The following EIF3H variants were observed in gnomAD, a reference collection of about 807,000 sequenced individuals.
EIF3H encodes eIF-3-gamma.
In EIF3H, 26 loss-of-function variants were observed where a neutral mutation model predicts 44.2. The ratio of observed to expected loss-of-function variants is 0.59; its 90% CI spans 0.43 to 0.82. The LOEUF is 0.82. EIF3H is among the 40% of genes least tolerant of loss of function. The probability of loss-of-function intolerance (pLI) is 0.00; values close to 1 mark genes in which losing one functional copy is unlikely to be tolerated. For synonymous variants in EIF3H, 166 were observed against 151.9 expected (o/e 1.09, Z -0.68); for missense variants, 359 against 432.8 (o/e 0.83, Z 1.51).
Position 116,726,314 on chromosome 8 carries a change from T to A in EIF3H, c.133-142A>T, listed in dbSNP as rs564946611. On this transcript the variant is annotated intron_variant, in intron 1 of 7. Transcript: ENST00000521861. The stretch of plus-strand genomic sequence containing the variant: ...GAGGAATAAATAAATGTCTTACAAA[T>A]CCTTTCCTTTACCCTTACATAAATA... 479 of 915,750 alleles carry A rather than the reference T, an allele frequency of 5.2e-4. 5 individuals carry two copies. In the South Asian group the frequency reaches 9.1e-3, roughly 17 times the overall value. 56.7% of individuals were successfully genotyped at this position (915,750 alleles called of 1,614,324 possible).
chr8:116,705,546 C>T (rs930306163), intron 2 of EIF3H, among the ~76,000 whole-genome samples: 2 of 148,544 alleles, frequency 1.3e-5, no homozygotes, highest in Non-Finnish European at 3.0e-5. Context: ...CACTTCAACA[C>T]TGAGATTTCT....
chr8:116,722,738 T>C (rs1307910916), intron 2 of EIF3H, among the ~76,000 whole-genome samples: 1 of 152,190 alleles, frequency 6.6e-6, no homozygotes, highest in African/African-American at 2.4e-5. Context: ...TTAAAGGTCC[T>C]AAATGATCAT....
intron 5 of EIF3H, among the ~76,000 whole-genome samples, chr8:116,654,594 A>C: frequency 6.6e-6 from 1 of 152,220 alleles, no homozygotes; most frequent in Non-Finnish European, 1.5e-5. Context: ...GCAATAAAGA[A>C]AAATATGACC....
intron 1 of EIF3H, among the ~76,000 whole-genome samples, chr8:116,762,753 G>A (rs1183462271): frequency 1.3e-5 from 2 of 152,148 alleles, no homozygotes; most frequent in African/African-American, 4.8e-5. Flanking sequence ...GGCCAGCCTG[G>A]CCAGCATAGT....
rs142892496 is a variant in EIF3H at position 116,719,351 on chromosome 8, G to C, written c.289+6665C>G. On this transcript the variant is annotated intron_variant, in intron 2 of 7. Coordinates refer to ENST00000521861, the MANE Select transcript of EIF3H (RefSeq NM_003756.3). Reference sequence around the variant, plus strand: ...AGCCTGTCATCTCACCAACTTCTTAGAGAAACTATGGCAAGGCTCTGGAAG... The same window carrying C: ...AGCCTGTCATCTCACCAACTTCTTACAGAAACTATGGCAAGGCTCTGGAAG... Among the ~76,000 whole-genome samples the C allele has an allele frequency of 1.8e-3, 268 of 152,282 alleles. 1 individual carries two copies. The highest frequency in any genetic ancestry group is 6.3e-3 in the African/African-American group (263 of 41,556).
At chr8:116,733,856 T>C (rs1228770191) in intron 1 of EIF3H, among the ~76,000 whole-genome samples, 1 of 152,192 alleles carries the variant, frequency 6.6e-6, no homozygotes, top group African/African-American at 2.4e-5. Flanking sequence ...ATCAGAATAT[T>C]AGAATGACAA....
chr8:116,677,944 A>C (rs1813876480), intron 2 of EIF3H, among the ~76,000 whole-genome samples: 1 of 152,226 alleles, frequency 6.6e-6, no homozygotes. Context: ...GATGACAGGA[A>C]ATGTTAAGTT....
At chr8:116,682,579 G>C (rs1461477429) in intron 2 of EIF3H, among the ~76,000 whole-genome samples, 1 of 152,100 alleles carries the variant, frequency 6.6e-6, no homozygotes, top group Non-Finnish European at 1.5e-5. Flanking sequence ...CTTTCAAGAG[G>C]ATAAAAGATG....
upstream of EIF3H, chr8:116,755,965 G>T (rs982608792): frequency 6.5e-7 from 1 of 1,536,118 alleles, no homozygotes; most frequent in Non-Finnish European, 8.7e-7. Context: ...CTTTCCAGGC[G>T]GTATCCTTTG....
intron 1 of EIF3H, among the ~76,000 whole-genome samples, chr8:116,731,300 G>A (rs372175874): frequency 1.6e-4 from 25 of 152,136 alleles, no homozygotes; most frequent in African/African-American, 5.3e-4. Context: ...ATACTAATGC[G>A]TGAGCACACT....
At chr8:116,707,370 T>C (rs10955788) in intron 2 of EIF3H, among the ~76,000 whole-genome samples, 51,338 of 152,032 alleles carry the variant, frequency 0.34, 9,437 homozygotes, top group East Asian at 0.57. Context: ...TTGTTATAAG[T>C]ACAGGAATTC....
chr8:116,697,520 C>A (rs1325749500), intron 2 of EIF3H, among the ~76,000 whole-genome samples: 1 of 152,196 alleles, frequency 6.6e-6, no homozygotes, highest in Non-Finnish European at 1.5e-5. Context: ...ATGACCACAA[C>A]CTACTCTGTA....
chr8:116,709,771 C>G (rs1021686275), intron 2 of EIF3H, among the ~76,000 whole-genome samples: 1 of 152,158 alleles, frequency 6.6e-6, no homozygotes, highest in Non-Finnish European at 1.5e-5. Flanking sequence ...ATTATTAAAT[C>G]TACCTCAACA....
At chr8:116,733,772 T>A (rs1393663631) in intron 1 of EIF3H, among the ~76,000 whole-genome samples, 1 of 152,048 alleles carries the variant, frequency 6.6e-6, no homozygotes, top group East Asian at 1.9e-4. Flanking sequence ...TTGAAAAAAA[T>A]TAAAAATAAA....
intron 1 of EIF3H, among the ~76,000 whole-genome samples, chr8:116,745,051 T>C (rs887202583): frequency 6.6e-6 from 1 of 152,196 alleles, no homozygotes; most frequent in Non-Finnish European, 1.5e-5. Context: ...ATTTATCATA[T>C]ACAGAAACCA....
At chr8:116,714,064 CTGGATACT>C (rs1294712783) in intron 2 of EIF3H, among the ~76,000 whole-genome samples, 1 of 152,032 alleles carries the variant, frequency 6.6e-6, no homozygotes, top group East Asian at 1.9e-4. Flanking sequence ...ACTTCTCTAC[CTGGATACT>C]AAAGCAACAG....
At position 116,744,072 on chromosome 8, in the gene EIF3H, G is replaced by A. The variant is rs533153243; in HGVS notation, c.132+11594C>T. 1.8e-3 allele frequency among the ~76,000 whole-genome samples: 269 copies of A among 152,008 alleles called. 1 individual carries two copies. Among genetic ancestry groups the A allele is most frequent in the Non-Finnish European group, 1.3e-3 (91 of 67,950 alleles). ...TGTAGTTATAAATTCAAAGAACTAA[G>A]TAAGTGATCTTAGGAAAAACCTCAA... On this transcript the variant is annotated intron_variant, in intron 1 of 7. Transcript: ENST00000521861.
chr8:116,703,285 C>CT (rs951523266), intron 2 of EIF3H, among the ~76,000 whole-genome samples: 7 of 152,146 alleles, frequency 4.6e-5, no homozygotes, highest in Non-Finnish European at 8.8e-5. Context: ...GACAGGGCCA[C>CT]TAGAGGGCTC....
chr8:116,765,126 C>T lies in EIF3H; in HGVS notation c.-27+389G>A, dbSNP rs575183151. ...ATCTCGTTTCTCTGTCTGTGGTGGG[C>T]GCATAGTTGGAGTAGAGAGTTGGCA... On this transcript the variant is annotated intron_variant, in intron 1 of 9. Transcript: ENST00000276682. Among the ~76,000 whole-genome samples, 3 of 151,660 alleles carry T rather than the reference C, an allele frequency of 2.0e-5. No individual in the cohort carries two copies. In the South Asian group the frequency reaches 6.3e-4, roughly 32 times the overall value.
Sources: allele counts gnomAD v4.1 joint callset (sites outside exome capture counted in the v4.1 genomes callset), GRCh38; gene constraint gnomAD v4.1.1; transcripts MANE v1.5; gene names NCBI Gene and HGNC (gene_info 2026-07-23, HGNC 2026-07-21).